DGKI: variants seen among roughly 807,000 people sequenced by gnomAD.
DGKI encodes DAG kinase iota.
Under a neutral mutation model 147.5 loss-of-function variants are expected in DGKI, and 55 were observed. That is an observed-to-expected ratio of 0.37 (90% CI 0.30 to 0.47). The LOEUF is 0.47. DGKI is among the 20% of genes least tolerant of loss of function. DGKI has a pLI of 1.00. For missense variants in DGKI, 1,007 were observed against 1,323.8 expected, an observed-to-expected ratio of 0.76 and a Z score of 3.71; for synonymous variants, 469 against 477.1, an observed-to-expected ratio of 0.98 and a Z score of 0.22.
chr7:137,578,238 T>C (rs776072243), intron 16 of DGKI, 32 bp downstream of exon 16: 4 of 1,479,382 alleles, frequency 2.7e-6, no homozygotes, highest in Middle Eastern at 1.7e-4. Flanking sequence ...ATAAGTAATA[T>C]GTAGTAATTA....
chr7:137,455,132 C>T (rs750457881), intron 27 of DGKI, among the ~76,000 whole-genome samples: 3 of 151,968 alleles, frequency 2.0e-5, no homozygotes, highest in African/African-American at 7.2e-5. Flanking sequence ...CAAAACTAGG[C>T]GGGGTTGGAA....
chr7:137,623,890 T>C (rs1205358648), intron 6 of DGKI, among the ~76,000 whole-genome samples: 1 of 152,180 alleles, frequency 6.6e-6, no homozygotes, highest in Non-Finnish European at 1.5e-5. Flanking sequence ...GGAAAAGCCA[T>C]TATTGGTTCA....
intron 28 of DGKI, among the ~76,000 whole-genome samples, chr7:137,435,986 G>T (rs539308330): frequency 6.6e-6 from 1 of 152,244 alleles, no homozygotes; most frequent in African/African-American, 2.4e-5. Flanking sequence ...CACGATGTTG[G>T]CTAGGCTGGT....
At chr7:137,733,893 G>A (rs1233680068) in intron 1 of DGKI, among the ~76,000 whole-genome samples, 2 of 152,046 alleles carry the variant, frequency 1.3e-5, no homozygotes, top group African/African-American at 2.4e-5. Context: ...CCTATAAAAC[G>A]ATGACCACCC....
chr7:137,597,727 G>T, intron 12 of DGKI, 120 bp downstream of exon 12: 1 of 873,654 alleles, frequency 1.1e-6, no homozygotes, highest in Non-Finnish European at 1.8e-6. Context: ...TGATTCACAT[G>T]AGAGATATAC....
Position 137,533,253 on chromosome 7 carries a change from C to G in DGKI, c.2148-11287G>C, listed in dbSNP as rs116157111. Among the ~76,000 whole-genome samples the G allele has an allele frequency of 6.5e-3, 988 of 152,082 alleles. 13 individuals are homozygous for G. The highest frequency in any genetic ancestry group is 0.022 in the African/African-American group (927 of 41,522). ...GCAATCAACTATAATAGTGCCACTACACTTCAGCCTAGCCACAGAGTGAGA... is the reference window on the plus strand; with the variant it reads ...GCAATCAACTATAATAGTGCCACTAGACTTCAGCCTAGCCACAGAGTGAGA... On this transcript the variant is annotated intron_variant, in intron 20 of 32. Coordinates refer to ENST00000614521, the MANE Select transcript of DGKI (RefSeq NM_001321708.2).
intron 6 of DGKI, among the ~76,000 whole-genome samples, chr7:137,626,723 G>A (rs1820956548): frequency 6.6e-6 from 1 of 152,156 alleles, no homozygotes; most frequent in South Asian, 2.1e-4. Flanking sequence ...AGACCCGAGT[G>A]CCTCTGTCCA....
At chr7:137,820,002 C>A (rs748195326) in intron 1 of DGKI, among the ~76,000 whole-genome samples, 42 of 152,328 alleles carry the variant, frequency 2.8e-4, no homozygotes, top group Non-Finnish European at 1.3e-4. Flanking sequence ...ACACTTCTTG[C>A]ATGCCTTCGA....
chr7:137,809,313 G>A lies in DGKI; in HGVS notation c.401+37149C>T, dbSNP rs3778820. On this transcript the variant is annotated intron_variant, in intron 1 of 32. Coordinates refer to ENST00000614521, the MANE Select transcript of DGKI (RefSeq NM_001321708.2). ...AATAGCTCATACTCATTGATGTCTC[G>A]GGCACAGTTCTAATTTAATAGTGTA... Among the ~76,000 whole-genome samples the A allele has an allele frequency of 2.2e-4, 33 of 152,188 alleles. No homozygotes were observed. In the East Asian group the frequency reaches 5.4e-3, roughly 25 times the overall value.
At chr7:137,773,527 G>A (rs1293407766) in intron 1 of DGKI, among the ~76,000 whole-genome samples, 1 of 152,168 alleles carries the variant, frequency 6.6e-6, no homozygotes, top group Non-Finnish European at 1.5e-5. Flanking sequence ...GGAATTGAGA[G>A]ACAAGATGTT....
intron 6 of DGKI, among the ~76,000 whole-genome samples, chr7:137,638,587 C>CACATATATGT (rs1821476125): frequency 1.3e-4 from 3 of 23,354 alleles, no homozygotes; most frequent in Non-Finnish European, 3.3e-4. Flanking sequence ...TATATATACA[C>CACATATATGT]ATATATACAT....
intron 21 of DGKI, among the ~76,000 whole-genome samples, chr7:137,516,547 A>G (rs1816749961): frequency 6.6e-6 from 1 of 151,908 alleles, no homozygotes; most frequent in Admixed American, 6.6e-5. Flanking sequence ...TTATTATCAC[A>G]TTTTTTAAAA....
At chr7:137,585,073 G>C in intron 14 of DGKI, 136 bp downstream of exon 14, 1 of 990,986 alleles carries the variant, frequency 1.0e-6, no homozygotes, top group Non-Finnish European at 1.5e-6. Context: ...CATAGCCCCA[G>C]TAGCCATCAA....
At chr7:137,463,664 C>T in intron 26 of DGKI, 53 bp from the exon 27 acceptor site, 1 of 1,589,504 alleles carries the variant, frequency 6.3e-7, no homozygotes, top group East Asian at 2.2e-5. Context: ...AGCCACGTGA[C>T]TTCGTTTCCA....
intron 5 of DGKI, among the ~76,000 whole-genome samples, chr7:137,647,530 G>A (rs1821871098): frequency 6.6e-6 from 1 of 152,198 alleles, no homozygotes; most frequent in Admixed American, 6.5e-5. Context: ...GTGGTTGTAT[G>A]TACAATCGTA....
At chr7:137,692,256 A>C (rs1488300703) in intron 1 of DGKI, among the ~76,000 whole-genome samples, 2 of 152,158 alleles carry the variant, frequency 1.3e-5, no homozygotes, top group Non-Finnish European at 2.9e-5. Flanking sequence ...AGTTTTCCTC[A>C]TAAGAAAATC....
rs781580130 is a variant in DGKI at position 137,846,161 on chromosome 7, T to TCTCACA, written c.401+300_401+301insTGTGAG. Among the ~76,000 whole-genome samples, 72 of 108,214 alleles carry TCTCACA rather than the reference T, an allele frequency of 6.7e-4. No homozygotes were observed. The highest frequency in any genetic ancestry group is 2.0e-3 in the East Asian group (7 of 3,570). The allele number at this position is 108,214 out of a possible 152,430, so 71.0% of individuals were successfully genotyped here. ...CTCTCTCTCTCTCTCTCTCTCTCTC[T>TCTCACA]CACACACACACACACACACACACAC... On this transcript the variant is annotated intron_variant, in intron 1 of 32. Transcript: ENST00000614521. The surrounding 1 kb of genome is among the most constrained non-coding windows in gnomAD (Gnocchi z 4.0).
At chr7:137,426,082 C>A (rs1445873096) in intron 28 of DGKI, among the ~76,000 whole-genome samples, 1 of 152,104 alleles carries the variant, frequency 6.6e-6, no homozygotes, top group Non-Finnish European at 1.5e-5. Context: ...AGAGCAACTC[C>A]AAGGCACATA....
chr7:137,396,901 A>G (rs1811574849), intron 31 of DGKI, among the ~76,000 whole-genome samples: 1 of 152,248 alleles, frequency 6.6e-6, no homozygotes, highest in African/African-American at 2.4e-5. Context: ...GACAGAAAAT[A>G]GAGTGACTAT....
Sources: allele counts gnomAD v4.1 joint callset (sites outside exome capture counted in the v4.1 genomes callset), GRCh38; gene constraint gnomAD v4.1.1; non-coding constraint Gnocchi (gnomAD v3.1); transcripts MANE v1.5; gene names NCBI Gene and HGNC (gene_info 2026-07-23, HGNC 2026-07-21).